Variants in ZNF329 observed in about 807,000 individuals in gnomAD.
ZNF329 encodes zinc finger protein 329.
Under a neutral mutation model 26.6 loss-of-function variants are expected in ZNF329, and 15 were observed. That is an observed-to-expected ratio of 0.56 (90% CI 0.38 to 0.87). ZNF329 has a LOEUF of 0.87. ZNF329 is among the 40% of genes least tolerant of loss of function. The pLI is 0.00. For synonymous variants in ZNF329, 239 were observed against 233.5 expected, an observed-to-expected ratio of 1.02 and a Z score of -0.21; for missense variants, 651 against 651.9, an observed-to-expected ratio of 1.00 and a Z score of 0.02.
At chr19:58,136,113 C>T (rs556839938) in intron 3 of ZNF329, among the ~76,000 whole-genome samples, 1 of 152,036 alleles carries the variant, frequency 6.6e-6, no homozygotes, top group South Asian at 2.1e-4. Flanking sequence ...TGCCTGTACT[C>T]CCAGCTACTC....
intron 3 of ZNF329, among the ~76,000 whole-genome samples, chr19:58,137,663 T>TA (rs1214450194): frequency 6.6e-6 from 1 of 151,334 alleles, no homozygotes; most frequent in Admixed American, 6.6e-5. Flanking sequence ...AAGAGACCAT[T>TA]AAAAAACAGC....
chr19:58,128,018 A>T lies in ZNF329; in HGVS notation c.1486T>A (p.Ser496Thr). 1.2e-6 allele frequency: 2 copies of T among 1,613,934 alleles called. No homozygotes were observed. The highest frequency in any genetic ancestry group is 2.2e-5 in the East Asian group (1 of 44,858). The stretch of plus-strand genomic sequence containing the variant: ...AGTCTCTGATGTACTGCCAGGTGAG[A>T]GTTCTGCTTGAAGGACTTCCCACAT... Reference protein sequence around the residue: ...PECGKSFKQNSHLAVHQRLHS... With the variant: ...PECGKSFKQNTHLAVHQRLHS... Residue 496 changes from serine (S) to threonine (T), a missense_variant, in exon 4 of 4, where the codon TCT becomes ACT. Transcript: ENST00000598312.
At position 58,146,283 on chromosome 19, in the gene ZNF329, G is replaced by C. The variant is rs2075307362; in HGVS notation, c.-207-3085C>G. ...GAAGTCAGGAGTTCAAGACCAGCCTGGCCAACATGGCGGAACCCCGTCTCT... is the reference window on the plus strand; with the variant it reads ...GAAGTCAGGAGTTCAAGACCAGCCTCGCCAACATGGCGGAACCCCGTCTCT... On this transcript the variant is annotated intron_variant, in intron 1 of 3. Transcript: ENST00000598312. 2.0e-5 allele frequency among the ~76,000 whole-genome samples: 3 copies of C among 152,086 alleles called. No individual in the cohort carries two copies. In the South Asian group the frequency reaches 6.2e-4, roughly 31 times the overall value.
intron 1 of ZNF329, among the ~76,000 whole-genome samples, chr19:58,147,481 A>G (rs866396306): frequency 3.8e-4 from 42 of 111,164 alleles, no homozygotes; most frequent in South Asian, 6.2e-4. Flanking sequence ...GCCTCTGCCC[A>G]GCCGCCCCTA....
chr19:58,137,530 G>A (rs2075097839), intron 3 of ZNF329, among the ~76,000 whole-genome samples: 1 of 151,422 alleles, frequency 6.6e-6, no homozygotes, highest in Non-Finnish European at 1.5e-5. Context: ...CTCTAGCCTG[G>A]GTGACAGAGC....
Position 58,140,916 on chromosome 19 carries a change from G to A in ZNF329, c.-9+1641C>T, listed in dbSNP as rs539997554. On this transcript the variant is annotated intron_variant, in intron 3 of 3. Transcript: ENST00000598312. ...GAGTTAGAATCTCACTCTGTCTCAG[G>A]CTGGAGTACAGTGGCATGATCTCAG... Among the ~76,000 whole-genome samples the A allele has an allele frequency of 4.1e-5, 6 of 145,694 alleles. No homozygotes were observed. The South Asian group carries it at 8.6e-4, about 21-fold the overall frequency.
chr19:58,153,998 C>T (rs115511475), upstream of ZNF329, among the ~76,000 whole-genome samples: 5,541 of 141,136 alleles, frequency 0.039, 354 homozygotes, highest in African/African-American at 0.14. Flanking sequence ...GCCTGGCCAA[C>T]ATATGTGATT....
intron 1 of ZNF329, among the ~76,000 whole-genome samples, chr19:58,147,430 C>T (rs1600096753): frequency 6.8e-6 from 1 of 146,674 alleles, no homozygotes; most frequent in Non-Finnish European, 1.5e-5. Flanking sequence ...GGGGGGCCAG[C>T]CCCCCGCCCG....
chr19:58,142,806 T>C (rs2075216298), intron 2 of ZNF329, 145 bp from the exon 3 acceptor site: 1 of 152,262 alleles, frequency 6.6e-6, no homozygotes, highest in South Asian at 2.1e-4. Flanking sequence ...TTTTGGATGG[T>C]TGCTGACAGC....
intron 3 of ZNF329, among the ~76,000 whole-genome samples, chr19:58,134,420 A>G (rs1428454168): frequency 6.6e-6 from 1 of 152,272 alleles, no homozygotes; most frequent in African/African-American, 2.4e-5. Context: ...AACAATTACA[A>G]TAAATATAAA....
upstream of ZNF329, among the ~76,000 whole-genome samples, chr19:58,154,211 G>A (rs1054925323): frequency 6.6e-6 from 1 of 152,120 alleles, no homozygotes; most frequent in Non-Finnish European, 1.5e-5. Flanking sequence ...GTTTCACCAT[G>A]TTGGCCAGGC....
intron 3 of ZNF329, among the ~76,000 whole-genome samples, chr19:58,138,442 T>A (rs117800501): frequency 0.022 from 3,296 of 152,324 alleles, 57 homozygotes; most frequent in Non-Finnish European, 0.035. Context: ...AGACACTTGC[T>A]ATGTACACAG....
In ZNF329 at chr19:58,142,349, C is replaced by T. The variant is rs116671758; in HGVS notation, c.-9+208G>A. The stretch of plus-strand genomic sequence containing the variant: ...ATATAATAAAAAACAATGAATTGTA[C>T]ACTTAAAAGGGTAAATTGTATGCTA... On this transcript the variant is annotated intron_variant, in intron 3 of 3. Transcript: ENST00000598312. Among the ~76,000 whole-genome samples the T allele has an allele frequency of 7.8e-3, 1,191 of 152,220 alleles. 15 individuals carry two copies. Among genetic ancestry groups the T allele is most frequent in the African/African-American group, 0.027 (1,134 of 41,540 alleles).
chr19:58,137,767 C>T (rs1223538769), intron 3 of ZNF329, among the ~76,000 whole-genome samples: 1 of 146,374 alleles, frequency 6.8e-6, no homozygotes, highest in Non-Finnish European at 1.5e-5. Flanking sequence ...AGTTTGAGAC[C>T]ACCCTGGGCA....
At chr19:58,147,285 G>A (rs185453392) in intron 1 of ZNF329, among the ~76,000 whole-genome samples, 21,652 of 144,910 alleles carry the variant, frequency 0.15, 1,554 homozygotes, top group Admixed American at 0.19. Context: ...CAACCGCCCC[G>A]TCTGAGAAGT....
chr19:58,141,136 G>T (rs571986645), intron 3 of ZNF329, among the ~76,000 whole-genome samples: 1 of 151,726 alleles, frequency 6.6e-6, no homozygotes, highest in South Asian at 2.1e-4. Flanking sequence ...GATTACAGAC[G>T]TGAGCCACCA....
At chr19:58,145,972 G>A (rs1319979262) in intron 1 of ZNF329, among the ~76,000 whole-genome samples, 1 of 149,786 alleles carries the variant, frequency 6.7e-6, no homozygotes, top group Admixed American at 6.7e-5. Context: ...ACCACCAGCT[G>A]GGTCTTTTAA....
rs1362197842 is a variant in ZNF329, at chr19:58,128,378, A to T, written c.1126T>A (p.Cys376Ser). The part of the protein sequence containing the change: ...TGEKPFECAE[C>S]GKSFNRNSHL... ...GAGTTTCTGTTGAAGGATTTCCCGC[A>T]CTCTGCACACTCAAAGGGCTTTTCT... Residue 376 changes from cysteine to serine, a missense_variant, in exon 4 of 4, where the codon TGC (cysteine) becomes AGC (serine). Transcript: ENST00000598312. The T allele has an allele frequency of 6.2e-7, 1 of 1,613,788 alleles. No homozygotes were observed. Among genetic ancestry groups the T allele is most frequent in the Non-Finnish European group, 8.5e-7 (1 of 1,179,984 alleles).
chr19:58,128,801 C>T lies in ZNF329; in HGVS notation c.703G>A (p.Glu235Lys). ...HTGEKPYTCN[E>K]CGKSFSKNYN... Reference sequence around the variant, plus strand: ...TTCTTGGAGAAGGACTTTCCACACTCATTACAAGTATAAGGCTTCTCTCCG... The same window carrying T: ...TTCTTGGAGAAGGACTTTCCACACTTATTACAAGTATAAGGCTTCTCTCCG... Residue 235 changes from glutamate (E) to lysine (K), a missense_variant, in exon 4 of 4, where the codon GAG becomes AAG. By Grantham distance (56) the Glu-to-Lys change is moderately conservative (BLOSUM62 1). Transcript: ENST00000598312. The T allele has an allele frequency of 1.2e-6, 2 of 1,602,558 alleles. No homozygotes were observed. Among genetic ancestry groups the T allele is most frequent in the Non-Finnish European group, 1.7e-6 (2 of 1,174,942 alleles).
Sources: gnomAD v4.1 joint callset for allele counts (sites outside exome capture counted in the v4.1 genomes callset) on GRCh38, gnomAD v4.1.1 for gene constraint, MANE v1.5 for transcripts, NCBI Gene and HGNC (gene_info 2026-07-23, HGNC 2026-07-21) for gene names.